The following FLT4 variants were observed in gnomAD, a reference collection of about 807,000 sequenced individuals.
FLT4 encodes vascular endothelial growth factor receptor 3.
FLT4 carries 30 observed loss-of-function variants against 163.2 expected under a neutral mutation model. The observed-to-expected ratio is 0.18, with a 90% confidence interval of 0.14 to 0.25. The LOEUF (loss-of-function observed/expected upper bound fraction) is 0.25, where lower values mean the gene tolerates loss of function less well. FLT4 is among the 10% of genes least tolerant of loss of function. FLT4 has a pLI of 1.00. For missense variants in FLT4, 1,510 were observed against 1,863.8 expected, an observed-to-expected ratio of 0.81 and a Z score of 3.50; for synonymous variants, 884 against 789.5, an observed-to-expected ratio of 1.12 and a Z score of -2.01.
Position 180,606,763 on chromosome 5 carries a change from G to A in FLT4, c.3893+2205C>T, listed in dbSNP as rs115161506. 5.2e-3 allele frequency among the ~76,000 whole-genome samples: 797 copies of A among 152,226 alleles called. 7 individuals carry two copies. The highest frequency in any genetic ancestry group is 0.018 in the African/African-American group (749 of 41,506). ...GATTTTCCAAAACCAGGTACTAACA[G>A]GAGTCACCTGATGAGCTGGGCGTGG... On this transcript the variant is annotated intron_variant, in intron 29 of 29. Transcript: ENST00000261937.
At chr5:180,624,167 G>A in intron 10 of FLT4, 106 bp from the exon 11 acceptor site, 1 of 1,370,188 alleles carries the variant, frequency 7.3e-7, no homozygotes, top group Non-Finnish European at 1.0e-6. Flanking sequence ...TTCTCATATG[G>A]GGTCGTGGGC....
chr5:180,648,335 C>T (rs1765579673), intron 1 of FLT4, among the ~76,000 whole-genome samples: 3 of 152,192 alleles, frequency 2.0e-5, no homozygotes, highest in African/African-American at 7.2e-5. Flanking sequence ...AGGTGGTGAG[C>T]AAAGGCAGGC....
intron 1 of FLT4, among the ~76,000 whole-genome samples, chr5:180,641,991 G>A (rs1184986236): frequency 1.3e-5 from 2 of 151,236 alleles, no homozygotes; most frequent in Non-Finnish European, 2.9e-5. Flanking sequence ...GGCGGATCAG[G>A]AGGTCAAGAG....
At position 180,620,462 on chromosome 5, in the gene FLT4, T is replaced by G; in HGVS notation, c.2406+147A>C. On this transcript the variant is annotated intron_variant, in intron 16 of 29. Coordinates refer to ENST00000261937, the MANE Select transcript of FLT4 (RefSeq NM_182925.5). The surrounding 1 kb of genome is among the most constrained non-coding windows in gnomAD (Gnocchi z 4.4). ...AAAAGACAGACAACCTCTGCGGGGT[T>G]GGAGCCCAGCGTGAAGGGCAGGGAG... 1 of 1,241,854 alleles carries G rather than the reference T, an allele frequency of 8.1e-7. No homozygotes were observed. The highest frequency in any genetic ancestry group is 1.2e-5 in the South Asian group (1 of 80,320). The allele number at this position is 1,241,854 out of a possible 1,614,324, so 76.9% of individuals were successfully genotyped here.
chr5:180,620,907 G>A lies in FLT4; in HGVS notation c.2268C>T (p.Cys756=), dbSNP rs773251004. Residue 756 remains cysteine (C), a synonymous_variant, in exon 15 of 30, where the codon TGC becomes TGT. Transcript: ENST00000261937. The surrounding 1 kb of genome is among the most constrained non-coding windows in gnomAD (Gnocchi z 4.4). ...CGGCCACGCTGGCGGAGGAGTTGAC[G>A]CAGCCCTTGGCGTTGCACACGCTGC... ...YLCSVCNAKG[C]VNSSASVAVE... 2.1e-5 allele frequency: 34 copies of A among 1,609,644 alleles called. No individual in the cohort carries two copies. The African/African-American group carries it at 4.1e-4, about 20-fold the overall frequency.
intron 29 of FLT4, among the ~76,000 whole-genome samples, chr5:180,607,502 G>A (rs887556219): frequency 2.6e-5 from 4 of 152,070 alleles, no homozygotes; most frequent in South Asian, 2.1e-4. Flanking sequence ...TTAGCCGGGC[G>A]TGGTGGCGGG....
At position 180,621,311 on chromosome 5, in the gene FLT4, T is replaced by C. The variant is rs1448868040; in HGVS notation, c.2021-59A>G. The C allele has an allele frequency of 2.5e-6, 4 of 1,568,682 alleles. No homozygotes were observed. The East Asian group carries it at 6.8e-5, about 27-fold the overall frequency. ...GCTGCACTTAGCAGGAGGACCCTCT[T>C]TGGGCTGGGAGCAGAGGTAGAAAAG... On this transcript the variant is annotated intron_variant, in intron 13 of 29. Coordinates refer to ENST00000261937, the MANE Select transcript of FLT4 (RefSeq NM_182925.5).
chr5:180,609,389 G>A (rs1335945138), intron 28 of FLT4: 1 of 459,024 alleles, frequency 2.2e-6, no homozygotes, highest in East Asian at 3.8e-5. Flanking sequence ...GCAGCTCGTA[G>A]TTCAAAAAAC....
At chr5:180,639,993 CAGA>C (rs1764980514) in intron 1 of FLT4, among the ~76,000 whole-genome samples, 2 of 152,338 alleles carry the variant, frequency 1.3e-5, no homozygotes, top group South Asian at 4.1e-4. Flanking sequence ...TCAGAAAGGC[CAGA>C]ATGCATACCT....
chr5:180,627,052 G>A (rs1296239972), intron 8 of FLT4, among the ~76,000 whole-genome samples: 3 of 152,208 alleles, frequency 2.0e-5, no homozygotes, highest in East Asian at 1.9e-4. Flanking sequence ...ATGCCTACAT[G>A]TCTGCTGCAC....
intron 29 of FLT4, among the ~76,000 whole-genome samples, chr5:180,604,378 AG>A (rs767041416): frequency 6.1e-4 from 93 of 152,276 alleles, no homozygotes; most frequent in Non-Finnish European, 1.0e-3. Context: ...TTCTAACTCC[AG>A]GACACATCCG....
intron 6 of FLT4, 45 bp from the exon 7 acceptor site, chr5:180,629,472 C>T: frequency 1.9e-6 from 3 of 1,602,902 alleles, no homozygotes; most frequent in Non-Finnish European, 2.5e-6. Context: ...CGGGCTCCTG[C>T]ACAGCTACCC....
At position 180,616,378 on chromosome 5, in the gene FLT4, G is replaced by A. The variant is rs774554521; in HGVS notation, c.3208C>T (p.Arg1070Cys). The change falls in exon 23 of 30, where the codon CGC (arginine) becomes TGC (cysteine). Residue 1070 changes from arginine (R) to cysteine (C), a missense_variant. Arg to Cys is a radical substitution (Grantham distance 180). Transcript: ENST00000261937. Reference protein sequence around the residue: ...RDIYKDPDYVRKGSARLPLKW... With the variant: ...RDIYKDPDYVCKGSARLPLKW... ...TGGCCTGCACTCACACTGCCCTTGCGGACGTAGTCGGGGTCTTTGTAGATG... is the reference window on the plus strand; with the variant it reads ...TGGCCTGCACTCACACTGCCCTTGCAGACGTAGTCGGGGTCTTTGTAGATG... The A allele has an allele frequency of 1.1e-5, 17 of 1,613,822 alleles. No individual in the cohort carries two copies. Among genetic ancestry groups the A allele is most frequent in the Middle Eastern group, 1.6e-4 (1 of 6,084 alleles).
At chr5:180,606,633 T>C (rs11955716) in intron 29 of FLT4, among the ~76,000 whole-genome samples, 47,556 of 152,088 alleles carry the variant, frequency 0.31, 7,552 homozygotes, top group Middle Eastern at 0.4. Flanking sequence ...TGGCGATCAT[T>C]CTCTGTGACA....
chr5:180,640,430 C>T (rs919810153), intron 1 of FLT4, among the ~76,000 whole-genome samples: 1 of 152,214 alleles, frequency 6.6e-6, no homozygotes, highest in Non-Finnish European at 1.5e-5. Context: ...AGACCCCAGC[C>T]CGGCCTTCCT....
chr5:180,606,264 C>CCAAGCATCCAAGGGGCTG (rs368752874), intron 29 of FLT4, among the ~76,000 whole-genome samples: 369 of 152,380 alleles, frequency 2.4e-3, no homozygotes, highest in African/African-American at 8.4e-3. Context: ...TCCTCTACCA[C>CCAAGCATCCAAGGGGCTG]CAAGCATCCA....
In FLT4 at chr5:180,629,441, G is replaced by C; in HGVS notation, c.817-14C>G. 6.2e-7 allele frequency: 1 copy of C among 1,609,952 alleles called. No homozygotes were observed. The highest frequency in any genetic ancestry group is 8.5e-7 in the Non-Finnish European group (1 of 1,179,884). ...ACCCCGCTCTGCCTGCCCGCACCCA[G>C]GGAAGCCCCGCGTCAGCAGGCGGGC... On this transcript the variant is annotated splice_polypyrimidine_tract_variant and intron_variant, in intron 6 of 29. Transcript: ENST00000261937.
rs1038063664 is a variant in FLT4 at position 180,630,391 on chromosome 5, A to G, written c.401-54T>C. 8 of 1,565,720 alleles carry G rather than the reference A, an allele frequency of 5.1e-6. No individual in the cohort carries two copies. In the Admixed American group the frequency reaches 1.2e-4, roughly 23 times the overall value. On this transcript the variant is annotated intron_variant, in intron 3 of 29. Transcript: ENST00000261937. The surrounding 1 kb of genome is among the most constrained non-coding windows in gnomAD (Gnocchi z 6.3). ...AGGGACGTGGCGGCCAGGCTGGGGG[A>G]GGGCTCCACGGGGCTGGGTGGTGCT...
rs554781292 is a variant in FLT4 at position 180,618,784 on chromosome 5, G to A, written c.2987C>T (p.Ser996Phe). The change falls in exon 21 of 30, where the codon TCT becomes TTT. Residue 996 changes from serine to phenylalanine, a missense_variant. Ser to Phe is a radical substitution (Grantham distance 155). This residue lies in a region of FLT4 where 878 missense variants were observed against 1,016.7 expected (regional missense o/e 0.86). Transcript: ENST00000261937. ...CAGGCTCTCACCTTCTTGGTCTGGA[G>A]AAGCCCGCCTCGCTCCGCCCTCGGT... ...SKTEGGARRA[S>F]PDQEAEDLWL... 5.7e-6 allele frequency: 9 copies of A among 1,589,954 alleles called. No individual in the cohort carries two copies. Among genetic ancestry groups the A allele is most frequent in the South Asian group, 4.6e-5 (4 of 87,504 alleles).
Sources: allele counts gnomAD v4.1 joint callset (sites outside exome capture counted in the v4.1 genomes callset), GRCh38; gene constraint gnomAD v4.1.1; regional missense constraint gnomAD v4.1.1; non-coding constraint Gnocchi (gnomAD v3.1); transcripts MANE v1.5; gene names NCBI Gene and HGNC (gene_info 2026-07-23, HGNC 2026-07-21).